Variants in NEDD4 observed in about 807,000 individuals in gnomAD.
NEDD4 encodes E3 ubiquitin-protein ligase NEDD4.
Under a neutral mutation model 144.9 loss-of-function variants are expected in NEDD4, and 99 were observed. The observed-to-expected ratio is 0.68, with a 90% CI of 0.58 to 0.81. The LOEUF (loss-of-function observed/expected upper bound fraction) is 0.81, where lower values mean the gene tolerates loss of function less well. Ranked by LOEUF, NEDD4 falls within the 30% of genes least tolerant of loss-of-function variation. The pLI, the probability that NEDD4 is intolerant of heterozygous loss-of-function variation, is 0.00. For synonymous variants in NEDD4, 318 were observed against 350.6 expected (o/e 0.91, Z 1.04); for missense variants, 985 against 1,065.9 (o/e 0.92, Z 1.06).
At chr15:55,973,063 A>T (rs537995052) in intron 1 of NEDD4, among the ~76,000 whole-genome samples, 1 of 152,190 alleles carries the variant, frequency 6.6e-6, no homozygotes, top group East Asian at 1.9e-4. Context: ...CACTTTCGGC[A>T]CTGGATAGAT....
intron 1 of NEDD4, among the ~76,000 whole-genome samples, chr15:55,981,890 G>C (rs2037810254): frequency 6.6e-6 from 1 of 152,212 alleles, no homozygotes; most frequent in Non-Finnish European, 1.5e-5. Context: ...CGTGGTTATG[G>C]AAGTATTCCT....
chr15:55,846,590 A>G (rs2033755714), intron 18 of NEDD4, among the ~76,000 whole-genome samples: 1 of 152,224 alleles, frequency 6.6e-6, no homozygotes, highest in African/African-American at 2.4e-5. Flanking sequence ...CAACAAAGTC[A>G]TAAAAAAATC....
At chr15:55,901,921 T>C (rs560348684) in intron 5 of NEDD4, among the ~76,000 whole-genome samples, 2 of 152,092 alleles carry the variant, frequency 1.3e-5, no homozygotes, top group Non-Finnish European at 2.9e-5. Context: ...AATTTTATAT[T>C]ATATAAATAT....
At position 55,882,350 on chromosome 15, in the gene NEDD4, C is replaced by T. The variant is rs147461380; in HGVS notation, c.292-8342G>A. Among the ~76,000 whole-genome samples the T allele has an allele frequency of 5.2e-3, 790 of 152,234 alleles. 26 individuals carry two copies. Among genetic ancestry groups the T allele is most frequent in the Admixed American group, 0.044 (675 of 15,286 alleles). On this transcript the variant is annotated intron_variant, in intron 5 of 28. Transcript: ENST00000435532. ...CAGTGGCTGTATGGCATGGAGAATC[C>T]GTGCACTTAGGGTTGGGAGAGCTCA...
At chr15:55,950,288 C>G (rs1189838009) in intron 4 of NEDD4, among the ~76,000 whole-genome samples, 2 of 151,976 alleles carry the variant, frequency 1.3e-5, no homozygotes, top group Admixed American at 6.6e-5. Context: ...TACTCCAAAC[C>G]AAAAAAACAG....
At chr15:55,947,619 T>A (rs957889579) in intron 4 of NEDD4, among the ~76,000 whole-genome samples, 3 of 152,220 alleles carry the variant, frequency 2.0e-5, no homozygotes, top group African/African-American at 7.2e-5. Flanking sequence ...CAAGTGGGCT[T>A]CATCCCTGGG....
Position 55,838,604 on chromosome 15 carries a change from C to T in NEDD4, c.2032G>A (p.Asp678Asn). The change falls in exon 22 of 29, where the codon GAT becomes AAT. Residue 678 changes from aspartate to asparagine, a missense_variant and splice_region_variant. Coordinates refer to ENST00000435532, the MANE Select transcript of NEDD4 (RefSeq NM_006154.4). The part of the protein sequence containing the change: ...PITLHDMESV[D>N]SEYYNSLRWI... ...CTTAGGGAATTGTAATATTCACTAT[C>T]CTAGATGGGAAAAATTACATATTTA... is the stretch of plus-strand genomic sequence containing the variant. 1 of 1,594,294 alleles carries T rather than the reference C, an allele frequency of 6.3e-7. No individual in the cohort carries two copies. Among genetic ancestry groups the T allele is most frequent in the Non-Finnish European group, 8.6e-7 (1 of 1,163,940 alleles).
chr15:55,966,214 T>C (rs1259929729), intron 2 of NEDD4, among the ~76,000 whole-genome samples: 1 of 152,230 alleles, frequency 6.6e-6, no homozygotes, highest in Non-Finnish European at 1.5e-5. Flanking sequence ...ATTAGTCTGT[T>C]AGAATTTTGC....
At position 55,848,411 on chromosome 15, in the gene NEDD4, C is replaced by G. The variant is rs1472786707; in HGVS notation, c.1503G>C (p.Trp501Cys). Residue 501 changes from tryptophan (W) to cysteine (C), a missense_variant, in exon 17 of 29, where the codon TGG (tryptophan) becomes TGC (cysteine). By Grantham distance (215) the Trp-to-Cys change is radical (BLOSUM62 -2). Transcript: ENST00000435532. ...YINHNIKRTQ[W>C]EDPRLENVAI... ...CTACATTCTCCAACCGAGGATCTTC[C>G]CATTGTGTTCTTTTTATATCTGAAG... The G allele has an allele frequency of 1.1e-5, 17 of 1,613,890 alleles. No individual in the cohort carries two copies. Among genetic ancestry groups the G allele is most frequent in the Non-Finnish European group, 1.4e-5 (16 of 1,179,998 alleles).
At chr15:55,837,555 G>A (rs2033270739) in intron 24 of NEDD4, among the ~76,000 whole-genome samples, 1 of 152,048 alleles carries the variant, frequency 6.6e-6, no homozygotes, top group South Asian at 2.1e-4. Context: ...CTGTCCTAAA[G>A]TGAAGAGAAT....
chr15:55,855,293 C>T (rs2034146056), intron 12 of NEDD4, among the ~76,000 whole-genome samples: 1 of 152,098 alleles, frequency 6.6e-6, no homozygotes, highest in Non-Finnish European at 1.5e-5. Flanking sequence ...TTCAAAGTTC[C>T]AGATGGTTGG....
rs573625338 is a variant in NEDD4 at position 55,963,421 on chromosome 15, G to GT, written c.119+3051dup. Among the ~76,000 whole-genome samples the GT allele has an allele frequency of 3.3e-5, 5 of 151,970 alleles. No homozygotes were observed. In the South Asian group the frequency reaches 1.0e-3, roughly 32 times the overall value. On this transcript the variant is annotated intron_variant, in intron 2 of 28. Transcript: ENST00000435532. ...ACAACTTCATTTTAAAATTTCTACT[G>GT]TTTTTTATCTATAATTCTTTGCATT...
chr15:55,866,812 A>C (rs935525410), intron 8 of NEDD4, among the ~76,000 whole-genome samples: 20 of 152,224 alleles, frequency 1.3e-4, no homozygotes, highest in Non-Finnish European at 2.4e-4. Context: ...CGGCTTAGAA[A>C]GACTGGATAC....
intron 6 of NEDD4, among the ~76,000 whole-genome samples, chr15:55,873,178 C>G (rs903858873): frequency 6.6e-6 from 1 of 152,080 alleles, no homozygotes; most frequent in Non-Finnish European, 1.5e-5. Flanking sequence ...GATCCACTCA[C>G]GTTGACTGAG....
At chr15:55,958,315 A>G (rs567900627) in intron 2 of NEDD4, among the ~76,000 whole-genome samples, 6 of 152,318 alleles carry the variant, frequency 3.9e-5, no homozygotes, top group African/African-American at 1.4e-4. Context: ...CTGTATTAAT[A>G]CAGTGAATTG....
At chr15:55,838,361 A>G (rs761043755) in intron 22 of NEDD4, 148 bp downstream of exon 22, 103 of 728,528 alleles carry the variant, frequency 1.4e-4, no homozygotes, top group African/African-American at 3.2e-4. Context: ...AATGTTAAAG[A>G]AAGTACAAAT....
At chr15:55,946,698 A>G (rs548213372) in intron 4 of NEDD4, among the ~76,000 whole-genome samples, 1 of 152,332 alleles carries the variant, frequency 6.6e-6, no homozygotes, top group South Asian at 2.1e-4. Context: ...AATCAACAGA[A>G]TATACATCCT....
At chr15:55,897,515 A>G (rs1387610235) in intron 5 of NEDD4, among the ~76,000 whole-genome samples, 1 of 152,196 alleles carries the variant, frequency 6.6e-6, no homozygotes. Context: ...CTAGATTCTT[A>G]AAGTCCCACT....
rs554407734 is a variant in NEDD4 at position 55,961,137 on chromosome 15, TTTGC to T, written c.119+5332_119+5335del. On this transcript the variant is annotated intron_variant, in intron 2 of 28. Coordinates refer to ENST00000435532, the MANE Select transcript of NEDD4 (RefSeq NM_006154.4). ...AAGAGCATCTGCCAGGATATGCAAGTTTGCTGTGAGAGGGACATCTGGTCATAGG... is the reference window on the plus strand; with the variant it reads ...AAGAGCATCTGCCAGGATATGCAAGTTGTGAGAGGGACATCTGGTCATAGG... 1.1e-4 allele frequency among the ~76,000 whole-genome samples: 16 copies of T among 152,168 alleles called. No individual in the cohort carries two copies. In the East Asian group the frequency reaches 3.1e-3, roughly 29 times the overall value.
Sources: allele counts gnomAD v4.1 joint callset (sites outside exome capture counted in the v4.1 genomes callset), GRCh38; gene constraint gnomAD v4.1.1; transcripts MANE v1.5; gene names NCBI Gene and HGNC (gene_info 2026-07-23, HGNC 2026-07-21).